Variants in ALG6 observed in about 807,000 individuals in gnomAD.
ALG6 encodes ALG6 alpha-1,3-glucosyltransferase.
ALG6 carries 46 observed loss-of-function variants against 66.6 expected under a neutral mutation model. That is an observed-to-expected ratio of 0.69 (90% CI 0.55 to 0.88). The LOEUF is 0.88. Among genes scored for constraint, ALG6 ranks in the 40% least tolerant of loss-of-function variants. The probability of loss-of-function intolerance (pLI) is 0.00; values close to 1 mark genes in which losing one functional copy is unlikely to be tolerated. For synonymous variants in ALG6, 185 were observed against 203.7 expected (o/e 0.91, Z 0.78); for missense variants, 505 against 586.8 (o/e 0.86, Z 1.44).
chr1:63,404,106 A>G (rs1319392509), intron 4 of ALG6, among the ~76,000 whole-genome samples: 1 of 152,208 alleles, frequency 6.6e-6, no homozygotes. Flanking sequence ...TAAATTGTAA[A>G]GATGATCCTC....
chr1:63,434,756 G>A (rs752608101), intron 14 of ALG6, among the ~76,000 whole-genome samples: 3 of 152,176 alleles, frequency 2.0e-5, no homozygotes, highest in African/African-American at 4.8e-5. Flanking sequence ...GGCTGGAGAC[G>A]AAGTTGAGTC....
intron 14 of ALG6, among the ~76,000 whole-genome samples, chr1:63,430,179 T>C (rs3123759): frequency 0.61 from 92,086 of 152,068 alleles, 29,634 homozygotes; most frequent in African/African-American, 0.82. Flanking sequence ...CTGCGCCCAG[T>C]CACTTAGCAT....
At chr1:63,431,236 C>T (rs1256024673) in intron 14 of ALG6, among the ~76,000 whole-genome samples, 4 of 152,052 alleles carry the variant, frequency 2.6e-5, no homozygotes, top group African/African-American at 9.7e-5. Context: ...TTTACTGTAG[C>T]TTTGTAGTTA....
intron 2 of ALG6, among the ~76,000 whole-genome samples, chr1:63,387,638 G>T (rs1297711866): frequency 2.2e-5 from 3 of 137,158 alleles, no homozygotes; most frequent in African/African-American, 8.2e-5. Flanking sequence ...TGCCTCCAGA[G>T]TTCAAGTGAT....
chr1:63,410,034 A>C (rs1644508662), intron 7 of ALG6, among the ~76,000 whole-genome samples: 1 of 152,150 alleles, frequency 6.6e-6, no homozygotes, highest in Non-Finnish European at 1.5e-5. Context: ...TCTTCTGCAC[A>C]TACTACTCAA....
At chr1:63,371,873 G>C (rs1647937711) in intron 2 of ALG6, among the ~76,000 whole-genome samples, 1 of 151,930 alleles carries the variant, frequency 6.6e-6, no homozygotes, top group Non-Finnish European at 1.5e-5. Flanking sequence ...AAAGTGCTGG[G>C]ATTACAGGCG....
rs1557587679 is a variant in ALG6, at chr1:63,400,292, TATAC to T, written c.168-1961_168-1958del. On this transcript the variant is annotated intron_variant, in intron 3 of 14. Coordinates refer to ENST00000263440, the MANE Select transcript of ALG6 (RefSeq NM_013339.4). ...ACGTATATATATATACGTATATATA[TATAC>T]GTATATATATGTATATATATATACG... 3.1e-3 allele frequency among the ~76,000 whole-genome samples: 52 copies of T among 16,570 alleles called. 13 individuals carry two copies. The highest frequency in any genetic ancestry group is 0.017 in the South Asian group (4 of 234). 10.9% of individuals were successfully genotyped at this position (16,570 alleles called of 152,430 possible).
rs1248688953 is a variant in ALG6, at chr1:63,422,432, AATAT to A, written c.1058+3000_1058+3003del. Among the ~76,000 whole-genome samples the A allele has an allele frequency of 5.4e-4, 13 of 23,960 alleles. 2 individuals carry two copies. In the African/African-American group the frequency reaches 6.3e-3, roughly 12 times the overall value. The allele number at this position is 23,960 out of a possible 152,430, so 15.7% of individuals were successfully genotyped here. ...AAATATAAATATATATATAAATATA[AATAT>A]ATATATAAATATATATATAAATATA... On this transcript the variant is annotated intron_variant, in intron 12 of 14. Transcript: ENST00000263440.
chr1:63,424,928 G>A (rs1328656469), intron 12 of ALG6, among the ~76,000 whole-genome samples: 1 of 151,838 alleles, frequency 6.6e-6, no homozygotes, highest in Non-Finnish European at 1.5e-5. Flanking sequence ...ATAGTTGCCC[G>A]CCACAACAGC....
At position 63,411,328 on chromosome 1, in the gene ALG6, A is replaced by AG. The variant is rs1644514998; in HGVS notation, c.680+1dup. 6.2e-7 allele frequency: 1 copy of AG among 1,613,522 alleles called. No homozygotes were observed. Among genetic ancestry groups the AG allele is most frequent in the Non-Finnish European group, 8.5e-7 (1 of 1,179,748 alleles). On this transcript the variant is annotated frameshift_variant, in exon 8 of 15. Transcript: ENST00000263440. LOFTEE classifies it high-confidence loss of function. ...TGTTTTAAAAAAGGCCTCAAAGGAA[A>AG]GGGGTGAGTGACTTTTAAACACTAG...
chr1:63,395,793 G>T (rs888963481), intron 2 of ALG6, among the ~76,000 whole-genome samples: 1 of 152,106 alleles, frequency 6.6e-6, no homozygotes, highest in African/African-American at 2.4e-5. Context: ...AAATAAACCT[G>T]GATATAATTA....
chr1:63,391,581 C>T (rs1411570784), intron 2 of ALG6, among the ~76,000 whole-genome samples: 1 of 152,120 alleles, frequency 6.6e-6, no homozygotes, highest in Non-Finnish European at 1.5e-5. Flanking sequence ...TCCTCAGATT[C>T]CTTTAGCTTA....
rs61766263 is a variant in ALG6, at chr1:63,419,841, C to T, written c.1058+401C>T. 3.4e-3 allele frequency among the ~76,000 whole-genome samples: 479 copies of T among 140,950 alleles called. 2 individuals carry two copies. Among genetic ancestry groups the T allele is most frequent in the Non-Finnish European group, 5.5e-3 (365 of 66,470 alleles). The allele number at this position is 140,950 out of a possible 152,430, so 92.5% of individuals were successfully genotyped here. A position where few individuals can be genotyped will look rare whatever the true frequency, so the allele number is the denominator to read the frequency against. ...CATGGGGTCTTTTGTATGTTGCCTTCTTTCTCTTTTTTTGCCACAAGCTTA... is the reference window on the plus strand; with the variant it reads ...CATGGGGTCTTTTGTATGTTGCCTTTTTTCTCTTTTTTTGCCACAAGCTTA... On this transcript the variant is annotated intron_variant, in intron 12 of 14. Coordinates refer to ENST00000263440, the MANE Select transcript of ALG6 (RefSeq NM_013339.4).
chr1:63,406,200 T>C, intron 5 of ALG6, 117 bp from the exon 6 acceptor site: 1 of 888,368 alleles, frequency 1.1e-6, no homozygotes, highest in South Asian at 1.4e-5. Flanking sequence ...GACTTGTCCA[T>C]AGTAGGGCAA....
intron 10 of ALG6, 34 bp downstream of exon 10, chr1:63,414,180 T>A (rs775223004): frequency 1.4e-6 from 2 of 1,398,354 alleles, no homozygotes; most frequent in South Asian, 2.3e-5. Flanking sequence ...TAGTATTTTA[T>A]AAGTTACTCT....
rs1557587242 is a variant in ALG6, at chr1:63,400,209, ATATATATATATACG to A, written c.168-2032_168-2019del. On this transcript the variant is annotated intron_variant, in intron 3 of 14. Coordinates refer to ENST00000263440, the MANE Select transcript of ALG6 (RefSeq NM_013339.4). ...AACTCTGTCTCAAAAAAAAAAAAAT[ATATATATATATACG>A]TATATATATATATATATATACGTAT... is the stretch of plus-strand genomic sequence containing the variant. Among the ~76,000 whole-genome samples the A allele has an allele frequency of 1.8e-4, 5 of 27,540 alleles. 2 individuals are homozygous for A. The highest frequency in any genetic ancestry group is 0.034 in the Middle Eastern group (2 of 58). The allele number at this position is 27,540 out of a possible 152,430, so 18.1% of individuals were successfully genotyped here. A position where few individuals can be genotyped will look rare whatever the true frequency, so the allele number is the denominator to read the frequency against.
intron 2 of ALG6, among the ~76,000 whole-genome samples, chr1:63,372,236 G>A (rs560256581): frequency 6.6e-6 from 1 of 152,212 alleles, no homozygotes; most frequent in East Asian, 1.9e-4. Context: ...ACAATTAGCT[G>A]GGCAAATTAT....
intron 3 of ALG6, among the ~76,000 whole-genome samples, chr1:63,401,739 G>T (rs1439604758): frequency 6.6e-6 from 1 of 152,140 alleles, no homozygotes; most frequent in Non-Finnish European, 1.5e-5. Flanking sequence ...TTGCACTGTT[G>T]TATTCTTATG....
intron 12 of ALG6, among the ~76,000 whole-genome samples, chr1:63,419,717 A>C (rs1456251850): frequency 6.6e-6 from 1 of 152,144 alleles, no homozygotes; most frequent in Admixed American, 6.6e-5. Context: ...ATATCCTTCA[A>C]AGAGGTTTTC....
Sources: allele counts gnomAD v4.1 joint callset (sites outside exome capture counted in the v4.1 genomes callset), GRCh38; gene constraint gnomAD v4.1.1; transcripts MANE v1.5; gene names NCBI Gene and HGNC (gene_info 2026-07-23, HGNC 2026-07-21).